ABCA4: variants seen among roughly 807,000 people sequenced by gnomAD.
ABCA4 encodes the protein retinal-specific phospholipid-transporting ATPase ABCA4.
A neutral mutation model predicts 263.7 loss-of-function variants in ABCA4; 196 were observed. That is an observed-to-expected ratio of 0.74 (90% CI 0.66 to 0.84). The LOEUF (loss-of-function observed/expected upper bound fraction) is 0.84. Ranked by LOEUF, ABCA4 falls within the 40% of genes least tolerant of loss-of-function variation. The probability of loss-of-function intolerance (pLI) is 0.00; values close to 1 mark genes in which losing one functional copy is unlikely to be tolerated. For synonymous variants in ABCA4, 1,133 were observed against 1,094.2 expected (o/e 1.04, Z -0.70); for missense variants, 2,792 against 2,855.1 (o/e 0.98, Z 0.50).
At chr1:94,044,791 A>G (rs1439804962) in intron 19 of ABCA4, 47 bp from the exon 20 acceptor site, 2 of 1,614,032 alleles carry the variant, frequency 1.2e-6, no homozygotes, top group Non-Finnish European at 1.7e-6. Flanking sequence ...CTTTAGCAAC[A>G]TGCCTTAGGA....
rs375970783 is a variant in ABCA4 at position 94,000,652 on chromosome 1, A to T, written c.6479+184T>A. Among the ~76,000 whole-genome samples, 28 of 152,306 alleles carry T rather than the reference A, an allele frequency of 1.8e-4. 2 individuals are homozygous for T. Among genetic ancestry groups the T allele is most frequent in the Admixed American group, 1.0e-3 (16 of 15,304 alleles). On this transcript the variant is annotated intron_variant, in intron 47 of 49. Transcript: ENST00000370225. ...CGACCACAGGAAATTAGGCCAATAT[A>T]GAGGAGTTTCTTATCAGCATGATGG...
chr1:94,046,197 C>T (rs111460369), intron 19 of ABCA4, among the ~76,000 whole-genome samples: 1 of 150,244 alleles, frequency 6.7e-6, no homozygotes, highest in Non-Finnish European at 1.5e-5. Context: ...AATCCCAGCA[C>T]TTTGGGAAGC....
At chr1:93,997,824 T>G (rs754027820) in intron 48 of ABCA4, 37 bp downstream of exon 48, 2 of 1,613,482 alleles carry the variant, frequency 1.2e-6, no homozygotes, top group South Asian at 2.2e-5. Flanking sequence ...TCTGGACCAG[T>G]CTTTGCTCAG....
chr1:94,056,576 A>T (rs1192337034), intron 15 of ABCA4, 25 bp downstream of exon 15: 7 of 1,607,918 alleles, frequency 4.4e-6, no homozygotes, highest in African/African-American at 2.7e-5. Flanking sequence ...GTGTTGTAGG[A>T]CAGGGGCCAG....
At position 94,037,221 on chromosome 1, in the gene ABCA4, A is replaced by C; in HGVS notation, c.3737T>G (p.Leu1246Arg). Residue 1246 changes from leucine to arginine, a missense_variant, in exon 25 of 50, where the codon CTT (leucine) becomes CGT (arginine). Coordinates refer to ENST00000370225, the MANE Select transcript of ABCA4 (RefSeq NM_000350.3). ...CAGCGTCTCCTCCAGCTCTCTGAAA[A>C]GGCTGGCATATGCTCTGTGCTTGAA... is the stretch of plus-strand genomic sequence containing the variant. The part of the protein sequence containing the change: ...KNFKHRAYAS[L>R]FRELEETLAD... 1 of 1,614,218 alleles carries C rather than the reference A, an allele frequency of 6.2e-7. No homozygotes were observed. Among genetic ancestry groups the C allele is most frequent in the East Asian group, 2.2e-5 (1 of 44,884 alleles).
At chr1:94,095,377 G>A (rs780625759) in intron 6 of ABCA4, among the ~76,000 whole-genome samples, 10 of 152,018 alleles carry the variant, frequency 6.6e-5, no homozygotes, top group Non-Finnish European at 1.2e-4. Context: ...GGTAGATGCC[G>A]TCACGGTGGT....
At chr1:94,091,707 C>A in intron 6 of ABCA4, among the ~76,000 whole-genome samples, 1 of 152,156 alleles carries the variant, frequency 6.6e-6, no homozygotes, top group Non-Finnish European at 1.5e-5. Flanking sequence ...ACTGACAGCA[C>A]TGCCAGCCGA....
chr1:94,098,206 T>G (rs946620674), intron 6 of ABCA4, among the ~76,000 whole-genome samples: 1 of 152,186 alleles, frequency 6.6e-6, no homozygotes, highest in Non-Finnish European at 1.5e-5. Context: ...GAACAAAGGG[T>G]TGAGCTAGAT....
In ABCA4 at chr1:94,010,259, T is replaced by A. The variant is rs12565603; in HGVS notation, c.5714+541A>T. On this transcript the variant is annotated intron_variant, in intron 40 of 49. Transcript: ENST00000370225. ...GCTTCAGGAAGAGCCTGCGGAAGAA[T>A]GGCAATTGCCAGCTAACCTGGCATT... 1.4e-3 allele frequency among the ~76,000 whole-genome samples: 216 copies of A among 152,282 alleles called. 4 individuals are homozygous for A. The East Asian group carries it at 0.029, about 20-fold the overall frequency.
chr1:94,034,032 G>A (rs773891753), intron 26 of ABCA4, among the ~76,000 whole-genome samples: 21 of 152,146 alleles, frequency 1.4e-4, no homozygotes, highest in African/African-American at 2.4e-4. Flanking sequence ...ATTCAGAATC[G>A]CCAGTTTGTC....
chr1:94,047,062 C>T lies in ABCA4; in HGVS notation c.2775G>A (p.Trp925Ter). ...GATTCTTCACGCATACCCCAGGAACCCACCCTGGATGCTCACGTTCAAAGA... is the reference window on the plus strand; with the variant it reads ...GATTCTTCACGCATACCCCAGGAACTCACCCTGGATGCTCACGTTCAAAGA... The part of the protein sequence containing the change: ...DSFFEREHPG[W>*]VPGVCVKNLV... The change falls in exon 19 of 50, where the codon TGG becomes TGA. Residue 925 changes from tryptophan (W) to a stop codon, truncating the protein, a stop_gained. Transcript: ENST00000370225. LOFTEE classifies it high-confidence loss of function. 1.2e-6 allele frequency: 2 copies of T among 1,614,152 alleles called. No homozygotes were observed. The highest frequency in any genetic ancestry group is 8.5e-7 in the Non-Finnish European group (1 of 1,180,052).
At chr1:94,013,656 C>T (rs1659637393) in intron 38 of ABCA4, among the ~76,000 whole-genome samples, 1 of 152,098 alleles carries the variant, frequency 6.6e-6, no homozygotes, top group Admixed American at 6.5e-5. Flanking sequence ...CTTTTTTTCC[C>T]CCTCTTTTTA....
intron 4 of ABCA4, 108 bp downstream of exon 4, chr1:94,108,469 C>T (rs758265965): frequency 5.2e-6 from 8 of 1,525,618 alleles, no homozygotes; most frequent in Non-Finnish European, 7.2e-6. Flanking sequence ...CCATCCCTTC[C>T]TGCCTCCGCT....
intron 24 of ABCA4, among the ~76,000 whole-genome samples, chr1:94,038,490 G>C (rs1257975074): frequency 2.0e-5 from 3 of 152,162 alleles, no homozygotes; most frequent in African/African-American, 4.8e-5. Context: ...CATATGAAGG[G>C]ATTTCATGGT....
rs1457525805 is a variant in ABCA4 at position 94,001,996 on chromosome 1, G to C, written c.6148-4C>G. 6.2e-7 allele frequency: 1 copy of C among 1,614,142 alleles called. No individual in the cohort carries two copies. The highest frequency in any genetic ancestry group is 1.7e-5 in the Admixed American group (1 of 60,024). The stretch of plus-strand genomic sequence containing the variant: ...TCTTAATACTCCAGTTTGCAACCTA[G>C]GGAAGAGAAAGAAATGCCATTTGGA... On this transcript the variant is annotated splice_polypyrimidine_tract_variant and splice_region_variant and intron_variant, in intron 44 of 49. Coordinates refer to ENST00000370225, the MANE Select transcript of ABCA4 (RefSeq NM_000350.3).
chr1:93,997,837 C>G (rs758628960), intron 48 of ABCA4, 24 bp downstream of exon 48: 4 of 1,613,842 alleles, frequency 2.5e-6, no homozygotes, highest in South Asian at 1.1e-5. Context: ...TTGCTCAGCT[C>G]TCGGTGCCCC....
intron 4 of ABCA4, 98 bp from the exon 5 acceptor site, chr1:94,103,240 C>T: frequency 1.4e-6 from 2 of 1,480,410 alleles, no homozygotes; most frequent in East Asian, 2.3e-5. Flanking sequence ...TAACTCAACT[C>T]TCAGAGGAAG....
intron 6 of ABCA4, among the ~76,000 whole-genome samples, chr1:94,092,704 C>A (rs1010578525): frequency 6.6e-6 from 1 of 152,038 alleles, no homozygotes; most frequent in Admixed American, 6.5e-5. Context: ...GAAACTAGGT[C>A]TTTTTCTGTC....
In ABCA4 at chr1:94,042,815, C is replaced by A. The variant is rs555116112; in HGVS notation, c.3274G>T (p.Val1092Leu). Reference sequence around the variant, plus strand: ...ATTGAGCGTCTCGAGTAAGGGTCCACCCCAGAGGTGGGTTCGTCCAGAATC... The same window carrying A: ...ATTGAGCGTCTCGAGTAAGGGTCCAACCCAGAGGTGGGTTCGTCCAGAATC... ...VVILDEPTSGVDPYSRRSIWD... is the reference protein window; with the variant it reads ...VVILDEPTSGLDPYSRRSIWD... The change falls in exon 22 of 50, where the codon GTG becomes TTG. Residue 1092 changes from valine (V) to leucine (L), a missense_variant. Val to Leu is a conservative substitution (Grantham distance 32, BLOSUM62 1). Transcript: ENST00000370225. 6.8e-6 allele frequency: 11 copies of A among 1,614,200 alleles called. No homozygotes were observed. The East Asian group carries it at 2.5e-4, about 36-fold the overall frequency.
Sources: allele counts gnomAD v4.1 joint callset (sites outside exome capture counted in the v4.1 genomes callset), GRCh38; gene constraint gnomAD v4.1.1; transcripts MANE v1.5; gene names NCBI Gene and HGNC (gene_info 2026-07-23, HGNC 2026-07-21).